The following SLC22A16 variants were observed in gnomAD, a reference collection of about 807,000 sequenced individuals.
SLC22A16 encodes the protein WUGSC:RG331P03.1.
Under a neutral mutation model 52.9 loss-of-function variants are expected in SLC22A16, and 53 were observed. That is an observed-to-expected ratio of 1.00 (90% CI 0.80 to 1.26). The LOEUF is 1.26. SLC22A16 is among the 50% of genes most tolerant of loss of function. The probability of loss-of-function intolerance (pLI) is 0.00; values close to 1 mark genes in which losing one functional copy is unlikely to be tolerated. For synonymous variants in SLC22A16, 291 were observed against 268.8 expected (o/e 1.08, Z -0.81); for missense variants, 726 against 704.0 (o/e 1.03, Z -0.35).
rs748071612 is a variant in SLC22A16, at chr6:110,425,080, A to G, written c.1527T>C (p.Phe509=). 1.9e-6 allele frequency: 3 copies of G among 1,614,092 alleles called. No homozygotes were observed. The highest frequency in any genetic ancestry group is 2.5e-6 in the Non-Finnish European group (3 of 1,180,000). The change falls in exon 8 of 8, where the codon TTT becomes TTC. Residue 509 remains phenylalanine (F), a synonymous_variant. Transcript: ENST00000368919. The part of the protein sequence containing the change: ...SSIWIFIPQL[F]VGTMALLSGV... ...CACTCAGGAGGGCCATAGTCCCAAC[A>G]AACAACTAGAAGGAATTAAAAATAA...
intron 4 of SLC22A16, among the ~76,000 whole-genome samples, chr6:110,439,446 G>A (rs958468339): frequency 1.3e-5 from 2 of 152,136 alleles, no homozygotes; most frequent in African/African-American, 4.8e-5. Context: ...CATAGAGAAT[G>A]AGTTTGAAGT....
intron 2 of SLC22A16, among the ~76,000 whole-genome samples, chr6:110,450,003 T>G (rs763672665): frequency 6.6e-6 from 1 of 152,238 alleles, no homozygotes; most frequent in Admixed American, 6.5e-5. Context: ...AAGCTATTCC[T>G]TTCCCTTGGG....
Position 110,443,522 on chromosome 6 carries a change from TA to T in SLC22A16, c.652-748del, listed in dbSNP as rs59250220. Among the ~76,000 whole-genome samples the T allele has an allele frequency of 1.9e-3, 281 of 147,738 alleles. 1 individual carries two copies. The highest frequency in any genetic ancestry group is 5.6e-3 in the African/African-American group (225 of 40,438). On this transcript the variant is annotated intron_variant, in intron 3 of 7. Transcript: ENST00000368919. ...CCTCATACACATTAGTGTGGCTAATTAAAAAAAAAAATAACAAGTTTTGGCG... is the reference window on the plus strand; with the variant it reads ...CCTCATACACATTAGTGTGGCTAATTAAAAAAAAAATAACAAGTTTTGGCG...
chr6:110,452,840 A>T (rs769272745), intron 2 of SLC22A16, among the ~76,000 whole-genome samples: 14 of 152,184 alleles, frequency 9.2e-5, no homozygotes, highest in Non-Finnish European at 4.4e-5. Flanking sequence ...TCCTATATGT[A>T]TTGAGTTGAT....
intron 2 of SLC22A16, 121 bp from the exon 3 acceptor site, chr6:110,447,111 G>T: frequency 2.7e-6 from 2 of 743,584 alleles, no homozygotes; most frequent in South Asian, 2.0e-5. Flanking sequence ...TGTATTGATT[G>T]TTTTTCTTTT....
In SLC22A16 at chr6:110,438,622, A is replaced by T. The variant is rs1019905887; in HGVS notation, c.1311+98T>A. The T allele has an allele frequency of 4.6e-6, 6 of 1,301,732 alleles. No homozygotes were observed. The African/African-American group carries it at 9.0e-5, about 20-fold the overall frequency. The allele number at this position is 1,301,732 out of a possible 1,614,324, so 80.6% of individuals were successfully genotyped here. A position where few individuals can be genotyped will look rare whatever the true frequency, so the allele number is the denominator to read the frequency against. ...ATATTATATACTCTGCCCAAATCAT[A>T]CTCTGAATTGACCTTCATACTTAAC... On this transcript the variant is annotated intron_variant, in intron 5 of 7. Transcript: ENST00000368919.
chr6:110,431,096 A>G, intron 7 of SLC22A16, 75 bp downstream of exon 7: 1 of 1,191,022 alleles, frequency 8.4e-7, no homozygotes, highest in Non-Finnish European at 1.2e-6. Flanking sequence ...GTAAATAACA[A>G]TAGAGAAGTT....
At chr6:110,476,170 C>G (rs1262681988) in intron 1 of SLC22A16, 2 of 475,630 alleles carry the variant, frequency 4.2e-6, no homozygotes, top group African/African-American at 4.0e-5. Flanking sequence ...CGGCCAGGCA[C>G]AGGCACCCCC....
intron 2 of SLC22A16, among the ~76,000 whole-genome samples, chr6:110,454,610 ATTT>A (rs1775517701): frequency 2.3e-5 from 2 of 86,200 alleles, no homozygotes; most frequent in African/African-American, 5.3e-5. Context: ...TATATTATAT[ATTT>A]TATATATAAT....
At chr6:110,466,115 C>T (rs1356007065) in intron 1 of SLC22A16, among the ~76,000 whole-genome samples, 1 of 152,062 alleles carries the variant, frequency 6.6e-6, no homozygotes, top group East Asian at 1.9e-4. Flanking sequence ...ATCCCTATCT[C>T]TCACCATATA....
intron 3 of SLC22A16, 119 bp downstream of exon 3, chr6:110,446,754 A>C (rs1234589558): frequency 1.2e-6 from 1 of 824,630 alleles, no homozygotes; most frequent in Non-Finnish European, 2.0e-6. Flanking sequence ...TCTGCAGTGG[A>C]GTGGACAAAG....
chr6:110,429,913 G>T (rs1270717741), intron 7 of SLC22A16, among the ~76,000 whole-genome samples: 3 of 152,128 alleles, frequency 2.0e-5, no homozygotes, highest in Non-Finnish European at 4.4e-5. Flanking sequence ...GAGGTGGGAT[G>T]AGGACAGGGA....
chr6:110,456,515 C>G, intron 2 of SLC22A16, 23 bp downstream of exon 2: 1 of 1,611,126 alleles, frequency 6.2e-7, no homozygotes, highest in Non-Finnish European at 8.5e-7. Flanking sequence ...ACTGATACAA[C>G]AATCCTAAAT....
intron 4 of SLC22A16, chr6:110,440,043 C>T (rs1774901711): frequency 1.3e-5 from 2 of 152,082 alleles, no homozygotes; most frequent in South Asian, 4.1e-4. Context: ...TTAATATGCA[C>T]AAATATATGA....
At chr6:110,453,789 G>T in intron 2 of SLC22A16, 3 of 443,896 alleles carry the variant, frequency 6.8e-6, no homozygotes, top group South Asian at 3.2e-5. Flanking sequence ...ATAAAGAAAA[G>T]AGGTTTATTT....
At chr6:110,438,907 C>A in intron 4 of SLC22A16, 60 bp from the exon 5 acceptor site, 1 of 1,595,914 alleles carries the variant, frequency 6.3e-7, no homozygotes, top group South Asian at 1.1e-5. Flanking sequence ...AGGGGACCCC[C>A]GTCTTCTAAC....
rs764308858 is a variant in SLC22A16, at chr6:110,442,735, A to G, written c.692T>C (p.Met231Thr). ...CCGAGACTTCATGCCAATGAATTCC[A>G]TCACATAGACAAACCCCACCACAAG... ...GYLVVGFVYV[M>T]EFIGMKSRTW... The change falls in exon 4 of 8, where the codon ATG becomes ACG. Residue 231 changes from methionine (M) to threonine (T), a missense_variant. Physicochemically the swap from Met to Thr is moderately conservative, Grantham distance 81. Transcript: ENST00000368919. The G allele has an allele frequency of 1.4e-5, 22 of 1,614,160 alleles. No homozygotes were observed. Among genetic ancestry groups the G allele is most frequent in the Non-Finnish European group, 1.8e-5 (21 of 1,180,004 alleles).
chr6:110,475,940 C>T (rs1304434843), intron 1 of SLC22A16: 1 of 456,474 alleles, frequency 2.2e-6, no homozygotes, highest in Non-Finnish European at 4.4e-6. Flanking sequence ...ATTTGAACAC[C>T]TCCTTTGCAG....
intron 1 of SLC22A16, among the ~76,000 whole-genome samples, chr6:110,473,325 C>T (rs910922296): frequency 6.6e-6 from 1 of 152,078 alleles, no homozygotes; most frequent in African/African-American, 2.4e-5. Context: ...CCCAGGACAA[C>T]TAACTCAGGG....
Sources: gnomAD v4.1 joint callset for allele counts (sites outside exome capture counted in the v4.1 genomes callset) on GRCh38, gnomAD v4.1.1 for gene constraint, MANE v1.5 for transcripts, NCBI Gene and HGNC (gene_info 2026-07-23, HGNC 2026-07-21) for gene names.